Variants in ATF7IP observed in about 807,000 individuals in gnomAD.
ATF7IP encodes activating transcription factor 7 interacting protein.
ATF7IP carries 23 observed loss-of-function variants against 106.4 expected under a neutral mutation model. The observed-to-expected ratio is 0.22, with a 90% CI of 0.16 to 0.31. ATF7IP has a LOEUF of 0.31. Among genes scored for constraint, ATF7IP ranks in the 10% least tolerant of loss-of-function variants. ATF7IP has a pLI of 1.00. For synonymous variants in ATF7IP, 542 were observed against 539.0 expected (o/e 1.01, Z -0.08); for missense variants, 1,334 against 1,524.3 (o/e 0.88, Z 2.08).
chr12:14,464,917 A>G (rs1943772282), intron 9 of ATF7IP, among the ~76,000 whole-genome samples: 1 of 152,180 alleles, frequency 6.6e-6, no homozygotes, highest in African/African-American at 2.4e-5. Flanking sequence ...AAATGTTATG[A>G]CAAAAAATAA....
At chr12:14,472,489 C>T (rs914220235) in intron 10 of ATF7IP, among the ~76,000 whole-genome samples, 27 of 152,110 alleles carry the variant, frequency 1.8e-4, no homozygotes, top group African/African-American at 5.3e-4. Context: ...TAGGTATATA[C>T]GCATACCTAT....
chr12:14,458,796 C>G (rs977823401), intron 8 of ATF7IP, among the ~76,000 whole-genome samples: 1 of 151,860 alleles, frequency 6.6e-6, no homozygotes, highest in Non-Finnish European at 1.5e-5. Flanking sequence ...GTACTCGATC[C>G]TGGGCGCTAG....
In ATF7IP at chr12:14,449,495, T is replaced by C. The variant is rs573974086; in HGVS notation, c.1995+2442T>C. On this transcript the variant is annotated intron_variant, in intron 6 of 14. Coordinates refer to ENST00000261168, the MANE Select transcript of ATF7IP (RefSeq NM_018179.5). Reference sequence around the variant, plus strand: ...CTCTCTATTCATTTCCTTTGGTCACTGTCTATTTTTGTGCCAGCACCTCAC... The same window carrying C: ...CTCTCTATTCATTTCCTTTGGTCACCGTCTATTTTTGTGCCAGCACCTCAC... 2.0e-4 allele frequency among the ~76,000 whole-genome samples: 30 copies of C among 152,214 alleles called. 2 individuals are homozygous for C. The South Asian group carries it at 6.2e-3, about 32-fold the overall frequency.
Position 14,425,339 on chromosome 12 carries a change from T to C in ATF7IP, c.1424T>C (p.Phe475Ser). Residue 475 changes from phenylalanine to serine, a missense_variant, in exon 2 of 15, where the codon TTT (phenylalanine) becomes TCT (serine). Phe to Ser is a radical substitution (Grantham distance 155, BLOSUM62 -2). Around this residue, in one of 10 missense-constraint regions of ATF7IP, gnomAD observed 41 missense variants for 60.4 expected, o/e 0.68. Coordinates refer to ENST00000261168, the MANE Select transcript of ATF7IP (RefSeq NM_018179.5). ...TTGGAAGAGAAAATGGAAAGTTCTT[T>C]TGGTTCACCATCTAAACAAGAAAGT... ...PDLEEKMESS[F>S]GSPSKQESSE... is the part of the protein sequence containing the mutation. 6.2e-7 allele frequency: 1 copy of C among 1,612,538 alleles called. No individual in the cohort carries two copies. The highest frequency in any genetic ancestry group is 2.2e-5 in the East Asian group (1 of 44,818).
At chr12:14,384,925 G>C (rs1461069609) in intron 1 of ATF7IP, 1 of 145,732 alleles carries the variant, frequency 6.9e-6, no homozygotes, top group Admixed American at 6.9e-5. Context: ...TTTTTTTCTG[G>C]ACTGAAATGG....
intron 4 of ATF7IP, 128 bp downstream of exon 4, chr12:14,436,379 G>A: frequency 1.0e-6 from 1 of 964,672 alleles, no homozygotes; most frequent in Non-Finnish European, 1.5e-6. Context: ...AGAACTTGAA[G>A]AAAGTGGTTG....
At chr12:14,387,192 A>G (rs946279459) in intron 1 of ATF7IP, among the ~76,000 whole-genome samples, 187 of 152,270 alleles carry the variant, frequency 1.2e-3, no homozygotes, top group Non-Finnish European at 3.7e-4. Flanking sequence ...TCATTCAGTC[A>G]TATGAACTGT....
At chr12:14,429,230 GA>G (rs1347301735) in intron 2 of ATF7IP, among the ~76,000 whole-genome samples, 1 of 152,092 alleles carries the variant, frequency 6.6e-6, no homozygotes, top group East Asian at 1.9e-4. Flanking sequence ...TAAATCCGGG[GA>G]CATCTTTTCT....
At chr12:14,444,122 G>A (rs1246763143) in intron 5 of ATF7IP, among the ~76,000 whole-genome samples, 1 of 152,086 alleles carries the variant, frequency 6.6e-6, no homozygotes, top group Non-Finnish European at 1.5e-5. Flanking sequence ...TACAGAAATG[G>A]AAAAGCTGTC....
At chr12:14,404,684 C>T (rs1435092951) in intron 1 of ATF7IP, among the ~76,000 whole-genome samples, 1 of 151,930 alleles carries the variant, frequency 6.6e-6, no homozygotes, top group Non-Finnish European at 1.5e-5. Flanking sequence ...ACTCATATTT[C>T]ATCAGTTTAC....
chr12:14,487,315 G>A (rs1431706619), intron 13 of ATF7IP, among the ~76,000 whole-genome samples: 1 of 151,022 alleles, frequency 6.6e-6, no homozygotes, highest in African/African-American at 2.5e-5. Context: ...TTCTCTGAGT[G>A]TAGCATACCT....
At chr12:14,490,258 T>C (rs1944768053) in intron 13 of ATF7IP, among the ~76,000 whole-genome samples, 1 of 152,188 alleles carries the variant, frequency 6.6e-6, no homozygotes, top group African/African-American at 2.4e-5. Flanking sequence ...TGATTATTAA[T>C]ATCCTCCTCT....
Position 14,501,362 on chromosome 12 carries a change from A to C in ATF7IP, c.*3289A>C, listed in dbSNP as rs1945155228. On this transcript the variant is annotated 3_prime_UTR_variant, in exon 15 of 15. Coordinates refer to ENST00000261168, the MANE Select transcript of ATF7IP (RefSeq NM_018179.5). The stretch of plus-strand genomic sequence containing the variant: ...CTGCAATGTAGGATGTTTGTATGGC[A>C]TTTAAAGGTAATGGTGATGTTTATT... The C allele has an allele frequency of 6.6e-6, 1 of 152,174 alleles. No homozygotes were observed. Among genetic ancestry groups the C allele is most frequent in the Non-Finnish European group, 1.5e-5 (1 of 68,030 alleles). 9.4% of individuals were successfully genotyped at this position (152,174 alleles called of 1,614,324 possible). A position where few individuals can be genotyped will look rare whatever the true frequency, so the allele number is the denominator to read the frequency against.
intron 2 of ATF7IP, among the ~76,000 whole-genome samples, chr12:14,428,307 G>A (rs1352106290): frequency 6.6e-6 from 1 of 152,184 alleles, no homozygotes; most frequent in Non-Finnish European, 1.5e-5. Context: ...AAAATTCAAA[G>A]TTGGGAATAT....
chr12:14,487,460 T>C (rs753522141), intron 13 of ATF7IP, among the ~76,000 whole-genome samples: 1 of 152,186 alleles, frequency 6.6e-6, no homozygotes, highest in Non-Finnish European at 1.5e-5. Context: ...GGCAACTGCC[T>C]CAGAGGAGGC....
intron 13 of ATF7IP, among the ~76,000 whole-genome samples, chr12:14,494,414 G>T (rs1944942715): frequency 7.5e-6 from 1 of 133,124 alleles, no homozygotes; most frequent in East Asian, 2.2e-4. Flanking sequence ...TAAACTAATA[G>T]GATATATATA....
Position 14,424,176 on chromosome 12 carries a change from A to C in ATF7IP, c.261A>C (p.Glu87Asp). 1 of 1,614,212 alleles carries C rather than the reference A, an allele frequency of 6.2e-7. No homozygotes were observed. Among genetic ancestry groups the C allele is most frequent in the Non-Finnish European group, 8.5e-7 (1 of 1,180,024 alleles). The part of the protein sequence containing the change: ...ICFDPEGSKA[E>D]WKETPCILSV... ...TTGATCCTGAAGGAAGTAAAGCAGA[A>C]TGGAAGGAAACACCCTGTATCCTAA... The change falls in exon 2 of 15, where the codon GAA becomes GAC. Residue 87 changes from glutamate (E) to aspartate (D), a missense_variant. Glu to Asp is a conservative substitution (Grantham distance 45, BLOSUM62 2). This residue lies in a region of ATF7IP where 74 missense variants were observed against 101.9 expected (regional missense o/e 0.73). Transcript: ENST00000261168.
chr12:14,443,081 G>A (rs1429187175), intron 5 of ATF7IP, among the ~76,000 whole-genome samples: 1 of 152,176 alleles, frequency 6.6e-6, no homozygotes, highest in Non-Finnish European at 1.5e-5. Context: ...CTTGAACCCA[G>A]GAGGCGGAGG....
intron 13 of ATF7IP, among the ~76,000 whole-genome samples, chr12:14,494,864 C>T (rs988530727): frequency 1.5e-5 from 2 of 137,576 alleles, no homozygotes; most frequent in East Asian, 4.6e-4. Flanking sequence ...GCCCAGGAGG[C>T]GGAGGTTGCA....
Sources: allele counts gnomAD v4.1 joint callset (sites outside exome capture counted in the v4.1 genomes callset), GRCh38; gene constraint gnomAD v4.1.1; regional missense constraint gnomAD v4.1.1; transcripts MANE v1.5; gene names NCBI Gene and HGNC (gene_info 2026-07-23, HGNC 2026-07-21).